COMMD10: variants seen among roughly 807,000 people sequenced by gnomAD.
COMMD10 encodes COMM domain-containing protein 10.
A neutral mutation model predicts 28.9 loss-of-function variants in COMMD10; 33 were observed. The ratio of observed to expected loss-of-function variants is 1.14; its 90% CI spans 0.87 to 1.53. COMMD10 has a LOEUF of 1.53. Among genes scored for constraint, COMMD10 ranks in the 40% most tolerant of loss-of-function variants. COMMD10 has a pLI of 0.00. For missense variants in COMMD10, 310 were observed against 233.4 expected (o/e 1.33, Z -2.14); for synonymous variants, 110 against 81.7 (o/e 1.35, Z -1.87).
At chr5:116,284,267 CT>C (rs1465577975) in intron 5 of COMMD10, among the ~76,000 whole-genome samples, 1 of 151,850 alleles carries the variant, frequency 6.6e-6, no homozygotes, top group Non-Finnish European at 1.5e-5. Context: ...ATGTCATTAA[CT>C]TTTATGCTAA....
At chr5:116,094,953 A>T (rs1750419837) in intron 4 of COMMD10, among the ~76,000 whole-genome samples, 1 of 152,182 alleles carries the variant, frequency 6.6e-6, no homozygotes, top group South Asian at 2.1e-4. Flanking sequence ...CCTATGTGGG[A>T]GCTAAACAAG....
chr5:116,241,452 C>G (rs1031158388), intron 5 of COMMD10, among the ~76,000 whole-genome samples: 1 of 152,090 alleles, frequency 6.6e-6, no homozygotes, highest in Non-Finnish European at 1.5e-5. Context: ...AAAAACTTCA[C>G]TTACTGACAC....
At chr5:116,142,624 G>T (rs1234486456) in intron 5 of COMMD10, among the ~76,000 whole-genome samples, 2 of 151,672 alleles carry the variant, frequency 1.3e-5, no homozygotes, top group Non-Finnish European at 3.0e-5. Context: ...TCAAAAATAG[G>T]TTCTTTAATA....
chr5:116,159,760 T>C (rs964142852), intron 5 of COMMD10, among the ~76,000 whole-genome samples: 3 of 152,160 alleles, frequency 2.0e-5, no homozygotes, highest in Admixed American at 6.5e-5. Flanking sequence ...GGAAAACATC[T>C]TTGAATTAGG....
At chr5:116,122,807 T>C (rs1221308042) in intron 4 of COMMD10, among the ~76,000 whole-genome samples, 2 of 152,226 alleles carry the variant, frequency 1.3e-5, no homozygotes, top group Non-Finnish European at 2.9e-5. Context: ...GAAATGCTTG[T>C]GGTTTTTGCA....
intron 5 of COMMD10, among the ~76,000 whole-genome samples, chr5:116,224,326 C>A (rs1031162764): frequency 6.6e-6 from 1 of 152,152 alleles, no homozygotes; most frequent in Non-Finnish European, 1.5e-5. Context: ...CTTACTGTCT[C>A]TACAGTTCCC....
At chr5:116,135,860 G>T (rs867946925) in intron 5 of COMMD10, among the ~76,000 whole-genome samples, 13 of 152,306 alleles carry the variant, frequency 8.5e-5, no homozygotes, top group African/African-American at 3.1e-4. Context: ...GTGCTCTGCA[G>T]TTTAGTGTAG....
intron 5 of COMMD10, among the ~76,000 whole-genome samples, chr5:116,235,889 T>G (rs1020707038): frequency 1.3e-5 from 2 of 152,192 alleles, no homozygotes; most frequent in Non-Finnish European, 2.9e-5. Context: ...CATCTTAAAA[T>G]CAATAGTTTT....
chr5:116,160,779 T>C (rs1752891146), intron 5 of COMMD10, among the ~76,000 whole-genome samples: 1 of 152,190 alleles, frequency 6.6e-6, no homozygotes, highest in South Asian at 2.1e-4. Context: ...ATGCATTCTC[T>C]GTAATGAAAG....
intron 5 of COMMD10, among the ~76,000 whole-genome samples, chr5:116,170,566 C>G (rs1008257062): frequency 6.6e-6 from 1 of 152,096 alleles, no homozygotes; most frequent in African/African-American, 2.4e-5. Context: ...GGAGGCATCA[C>G]ACTACCTAAC....
intron 4 of COMMD10, among the ~76,000 whole-genome samples, chr5:116,097,307 T>C (rs142538420): frequency 7.9e-5 from 12 of 151,078 alleles, no homozygotes; most frequent in African/African-American, 2.7e-4. Context: ...AATATAATGA[T>C]AACAAGCATT....
chr5:116,145,630 A>G (rs1482304530), intron 5 of COMMD10, among the ~76,000 whole-genome samples: 2 of 151,844 alleles, frequency 1.3e-5, no homozygotes, highest in Admixed American at 1.3e-4. Context: ...GTCTGCACCC[A>G]GATCTCATCT....
intron 5 of COMMD10, among the ~76,000 whole-genome samples, chr5:116,263,566 A>T (rs1580595004): frequency 6.6e-6 from 1 of 151,632 alleles, no homozygotes; most frequent in South Asian, 2.1e-4. Context: ...TCCGATAAGA[A>T]ACATTTTACA....
chr5:116,137,051 C>T (rs1233389572), intron 5 of COMMD10, among the ~76,000 whole-genome samples: 1 of 151,960 alleles, frequency 6.6e-6, no homozygotes, highest in Middle Eastern at 3.2e-3. Context: ...TATGGTGTGC[C>T]CTAGCTGTAA....
chr5:116,239,400 G>A (rs1272719701), intron 5 of COMMD10, among the ~76,000 whole-genome samples: 1 of 152,128 alleles, frequency 6.6e-6, no homozygotes, highest in Non-Finnish European at 1.5e-5. Flanking sequence ...GAAAAGGGAA[G>A]ATTTGAGGGT....
chr5:116,092,410 C>A, intron 3 of COMMD10, 135 bp from the exon 4 acceptor site: 7 of 505,672 alleles, frequency 1.4e-5, no homozygotes, highest in East Asian at 3.3e-5. Flanking sequence ...TGTAAAATAA[C>A]CAAAAATGTT....
At chr5:116,170,695 A>G (rs1257478646) in intron 5 of COMMD10, among the ~76,000 whole-genome samples, 2 of 152,178 alleles carry the variant, frequency 1.3e-5, no homozygotes, top group South Asian at 2.1e-4. Context: ...ATCTACAACC[A>G]TCTGATCTTT....
At chr5:116,200,951 AGAG>A (rs1480449776) in intron 5 of COMMD10, among the ~76,000 whole-genome samples, 2 of 152,104 alleles carry the variant, frequency 1.3e-5, no homozygotes, top group African/African-American at 4.8e-5. Flanking sequence ...TGTTGGGAGA[AGAG>A]AAGTGTTCTG....
chr5:116,263,862 T>G (rs988899761), intron 5 of COMMD10, among the ~76,000 whole-genome samples: 1 of 151,726 alleles, frequency 6.6e-6, no homozygotes, highest in Non-Finnish European at 1.5e-5. Flanking sequence ...AACCAAAATG[T>G]ACCCCGACCA....
Sources: gnomAD v4.1 joint callset for allele counts (sites outside exome capture counted in the v4.1 genomes callset) on GRCh38, gnomAD v4.1.1 for gene constraint, MANE v1.5 for transcripts, NCBI Gene and HGNC (gene_info 2026-07-23, HGNC 2026-07-21) for gene names.